The following SLC1A7 variants were observed in gnomAD, a reference collection of about 807,000 sequenced individuals.
The protein encoded by SLC1A7 is excitatory amino acid transporter 5.
Under a neutral mutation model 47.7 loss-of-function variants are expected in SLC1A7, and 40 were observed. That is an observed-to-expected ratio of 0.84 (90% CI 0.65 to 1.09). The LOEUF (loss-of-function observed/expected upper bound fraction) is 1.09. SLC1A7 is among the 50% of genes least tolerant of loss of function. The probability of loss-of-function intolerance (pLI) is 0.00; values close to 1 mark genes in which losing one functional copy is unlikely to be tolerated. For synonymous variants in SLC1A7, 323 were observed against 325.6 expected, an observed-to-expected ratio of 0.99 and a Z score of 0.09; for missense variants, 746 against 769.5, an observed-to-expected ratio of 0.97 and a Z score of 0.36.
chr1:53,120,817 C>T (rs1469578133), intron 2 of SLC1A7, among the ~76,000 whole-genome samples: 1 of 152,246 alleles, frequency 6.6e-6, no homozygotes, highest in African/African-American at 2.4e-5. Flanking sequence ...CCTTCTTCTC[C>T]TTTCCTGTCC....
rs56855881 is a variant in SLC1A7 at position 53,087,846 on chromosome 1, C to T, written c.*163G>A. ...CTCCCCCATGCAGCCTTTCCCTTCT[C>T]TGAGATACATTTTCCGTCAAGCGGG... On this transcript the variant is annotated 3_prime_UTR_variant, in exon 11 of 11. Transcript: ENST00000371494. 350 of 423,138 alleles carry T rather than the reference C, an allele frequency of 8.3e-4. 4 individuals are homozygous for T. In the East Asian group the frequency reaches 0.011, roughly 14 times the overall value. 26.2% of individuals were successfully genotyped at this position (423,138 alleles called of 1,614,324 possible).
At chr1:53,114,039 G>A (rs548682767) in intron 3 of SLC1A7, among the ~76,000 whole-genome samples, 3 of 152,270 alleles carry the variant, frequency 2.0e-5, no homozygotes, top group African/African-American at 7.2e-5. Context: ...CTGTCTGCTC[G>A]TGGGTCTGAC....
chr1:53,106,371 A>T (rs948462599), intron 3 of SLC1A7, among the ~76,000 whole-genome samples: 1 of 151,740 alleles, frequency 6.6e-6, no homozygotes, highest in Admixed American at 6.6e-5. Context: ...TAATCCCAGC[A>T]CTTTGGGAGG....
intron 10 of SLC1A7, among the ~76,000 whole-genome samples, 185 bp from the exon 11 acceptor site, chr1:53,088,412 C>T (rs906556475): frequency 3.9e-5 from 6 of 152,120 alleles, no homozygotes; most frequent in African/African-American, 1.4e-4. Flanking sequence ...AAGCGTCCTG[C>T]CTCCCACTGG....
intron 3 of SLC1A7, chr1:53,114,486 G>A (rs1343515385): frequency 1.9e-5 from 9 of 465,976 alleles, no homozygotes; most frequent in South Asian, 4.0e-5. Flanking sequence ...CCACCCTACA[G>A]GCTGGGCATC....
chr1:53,097,233 CCTCGGTACACTCATTTTTT>C (rs1644505289), intron 5 of SLC1A7, among the ~76,000 whole-genome samples: 2 of 141,132 alleles, frequency 1.4e-5, no homozygotes, highest in African/African-American at 2.6e-5. Context: ...ACGCACCCTG[CCTCGGTACACTCATTTTTT>C]CTCGGTACAC....
chr1:53,089,574 C>G (rs1644397060), intron 9 of SLC1A7, among the ~76,000 whole-genome samples: 1 of 152,168 alleles, frequency 6.6e-6, no homozygotes, highest in Non-Finnish European at 1.5e-5. Flanking sequence ...TCATGCCTGG[C>G]CTTTACAGTT....
chr1:53,108,230 G>A (rs905087003), intron 3 of SLC1A7: 20 of 234,876 alleles, frequency 8.5e-5, no homozygotes, highest in Admixed American at 7.7e-4. Flanking sequence ...CACCTGGGTC[G>A]CCTCCCACTC....
intron 3 of SLC1A7, 141 bp from the exon 4 acceptor site, chr1:53,105,915 A>G: frequency 1.4e-6 from 1 of 697,416 alleles, no homozygotes; most frequent in Non-Finnish European, 2.6e-6. Context: ...CTCACCCACT[A>G]CATCATGGAC....
intron 2 of SLC1A7, among the ~76,000 whole-genome samples, chr1:53,127,665 G>A (rs1644897596): frequency 6.6e-6 from 1 of 152,214 alleles, no homozygotes; most frequent in South Asian, 2.1e-4. Flanking sequence ...GAAGACTGGT[G>A]AGGACCGGGC....
chr1:53,120,594 G>T (rs1020455072), intron 2 of SLC1A7, among the ~76,000 whole-genome samples: 1 of 152,238 alleles, frequency 6.6e-6, no homozygotes, highest in Admixed American at 6.5e-5. Flanking sequence ...CCCAACCCTG[G>T]CCCAATGTCC....
chr1:53,107,226 A>G (rs1372491956), intron 3 of SLC1A7, among the ~76,000 whole-genome samples: 1 of 151,534 alleles, frequency 6.6e-6, no homozygotes, highest in Non-Finnish European at 1.5e-5. Context: ...TTGAGATCTT[A>G]TCATGTCTCA....
chr1:53,108,142 G>T, intron 3 of SLC1A7: 1 of 179,680 alleles, frequency 5.6e-6, no homozygotes, highest in Non-Finnish European at 1.2e-5. Context: ...TGCCAACTCT[G>T]AGGTGAGCAT....
At chr1:53,094,731 C>A (rs542621781) in intron 5 of SLC1A7, among the ~76,000 whole-genome samples, 1 of 152,332 alleles carries the variant, frequency 6.6e-6, no homozygotes, top group East Asian at 1.9e-4. Flanking sequence ...GCCGGCTCCG[C>A]CCTCCCCGGG....
intron 1 of SLC1A7, among the ~76,000 whole-genome samples, chr1:53,139,985 C>T (rs536384895): frequency 1.4e-4 from 22 of 152,160 alleles, no homozygotes; most frequent in African/African-American, 4.6e-4. Context: ...GATAAAAGTT[C>T]TTTTTCACAA....
At chr1:53,132,452 C>A (rs982994364) in intron 2 of SLC1A7, among the ~76,000 whole-genome samples, 6 of 152,068 alleles carry the variant, frequency 3.9e-5, no homozygotes, top group Admixed American at 3.9e-4. Flanking sequence ...CAATGACAGG[C>A]CCGATGGAAG....
In SLC1A7 at chr1:53,092,630, TGAA is replaced by T; in HGVS notation, c.952_954del (p.Phe318del). ...AAGACGATGGGATTCTTCTTGGTGA[TGAA>T]GAAGTAGAGCAGGGGCAGGATAAAG... is the stretch of plus-strand genomic sequence containing the variant. On this transcript the variant is annotated inframe_deletion, in exon 7 of 11. Coordinates refer to ENST00000371494, the MANE Select transcript of SLC1A7 (RefSeq NM_006671.6). 1 of 1,614,108 alleles carries T rather than the reference TGAA, an allele frequency of 6.2e-7. No homozygotes were observed. The highest frequency in any genetic ancestry group is 8.5e-7 in the Non-Finnish European group (1 of 1,179,982).
chr1:53,123,782 C>T (rs1644850779), intron 2 of SLC1A7, among the ~76,000 whole-genome samples: 1 of 152,242 alleles, frequency 6.6e-6, no homozygotes, highest in African/African-American at 2.4e-5. Context: ...TCTGACCCCA[C>T]CCGCAGCCCA....
intron 3 of SLC1A7, among the ~76,000 whole-genome samples, chr1:53,107,186 GAAACCATAAAA>G (rs1253748596): frequency 9.3e-6 from 1 of 107,990 alleles, no homozygotes; most frequent in Non-Finnish European, 1.9e-5. Flanking sequence ...AAAAGGCAAA[GAAACCATAAAA>G]AGCTAGAAGA....
Sources: allele counts gnomAD v4.1 joint callset (sites outside exome capture counted in the v4.1 genomes callset), GRCh38; gene constraint gnomAD v4.1.1; transcripts MANE v1.5; gene names NCBI Gene and HGNC (gene_info 2026-07-23, HGNC 2026-07-21).